Variants in RBM25 observed in about 807,000 individuals in gnomAD.
The protein encoded by RBM25 is RNA binding motif protein 25.
In RBM25, 19 loss-of-function variants were observed where a neutral mutation model predicts 120.7. The ratio of observed to expected loss-of-function variants is 0.16; its 90% confidence interval spans 0.11 to 0.23. The LOEUF (loss-of-function observed/expected upper bound fraction) is 0.23, where lower values mean the gene tolerates loss of function less well. Ranked by LOEUF, RBM25 falls within the 10% of genes least tolerant of loss-of-function variation. RBM25 has a pLI of 1.00. For synonymous variants in RBM25, 390 were observed against 326.7 expected, an observed-to-expected ratio of 1.19 and a Z score of -2.09; for missense variants, 605 against 1,041.5, an observed-to-expected ratio of 0.58 and a Z score of 5.77.
At position 73,117,210 on chromosome 14, in the gene RBM25, C is replaced by CTT. The variant is rs71112704; in HGVS notation, c.2440-2470_2440-2469dup. ...TTTCTTTTAATTTCTTTCTTCTTTT[C>CTT]TTTTTTTTTTTTTTTTTTTTTTTTT... On this transcript the variant is annotated intron_variant, in intron 18 of 18. Transcript: ENST00000261973. Among the ~76,000 whole-genome samples, 207 of 49,398 alleles carry CTT rather than the reference C, an allele frequency of 4.2e-3. 29 individuals are homozygous for CTT. Among genetic ancestry groups the CTT allele is most frequent in the Non-Finnish European group, 5.7e-3 (156 of 27,318 alleles). The allele number at this position is 49,398 out of a possible 152,430, so 32.4% of individuals were successfully genotyped here. A position where few individuals can be genotyped will look rare whatever the true frequency, so the allele number is the denominator to read the frequency against.
rs71112704 is a variant in RBM25 at position 73,117,210 on chromosome 14, C to CTTTTTTTTTTTTTTTT, written c.2440-2484_2440-2469dup. On this transcript the variant is annotated intron_variant, in intron 18 of 18. Transcript: ENST00000261973. The stretch of plus-strand genomic sequence containing the variant: ...TTTCTTTTAATTTCTTTCTTCTTTT[C>CTTTTTTTTTTTTTTTT]TTTTTTTTTTTTTTTTTTTTTTTTT... Among the ~76,000 whole-genome samples the CTTTTTTTTTTTTTTTT allele has an allele frequency of 6.7e-4, 33 of 49,430 alleles. 3 individuals carry two copies. The highest frequency in any genetic ancestry group is 1.1e-3 in the African/African-American group (14 of 13,240). The allele number at this position is 49,430 out of a possible 152,430, so 32.4% of individuals were successfully genotyped here. A position where few individuals can be genotyped will look rare whatever the true frequency, so the allele number is the denominator to read the frequency against.
chr14:73,071,668 C>T lies in RBM25; in HGVS notation c.27C>T (p.Arg9=). The change falls in exon 2 of 19, where the codon CGC becomes CGT. Residue 9 remains arginine (R), a synonymous_variant. Transcript: ENST00000261973. ...TGTCTTTTCCACCTCATTTGAATCG[C>T]CCTCCCATGGGAATCCCAGCACTCC... MSFPPHLN[R]PPMGIPALPP... is the part of the protein sequence containing the mutation. 6.2e-7 allele frequency: 1 copy of T among 1,613,854 alleles called. No homozygotes were observed. Among genetic ancestry groups the T allele is most frequent in the South Asian group, 1.1e-5 (1 of 91,058 alleles).
Position 73,119,773 on chromosome 14 carries a change from A to G in RBM25, c.2500A>G (p.Thr834Ala). ...VKMWRLLIYE[T>A]EAKKIGLVK is the part of the protein sequence containing the mutation. ...AATGTGGAGATTATTGATATATGAA[A>G]CAGAAGCCAAGAAAATTGGTCTTGT... Residue 834 changes from threonine to alanine, a missense_variant, in exon 19 of 19, where the codon ACA becomes GCA. By Grantham distance (58) the Thr-to-Ala change is moderately conservative. This residue lies in a region of RBM25 where 23 missense variants were observed against 83.2 expected (regional missense o/e 0.28). Coordinates refer to ENST00000261973, the MANE Select transcript of RBM25 (RefSeq NM_021239.3). 2 of 1,609,470 alleles carry G rather than the reference A, an allele frequency of 1.2e-6. No individual in the cohort carries two copies. The highest frequency in any genetic ancestry group is 8.5e-7 in the Non-Finnish European group (1 of 1,178,966).
intron 13 of RBM25, 76 bp downstream of exon 13, chr14:73,107,975 G>A: frequency 1.1e-6 from 1 of 941,190 alleles, no homozygotes; most frequent in South Asian, 1.5e-5. Context: ...AGTTGATAAT[G>A]CATGTTCACT....
In RBM25 at chr14:73,080,671, AC is replaced by A. The variant is rs534419509; in HGVS notation, c.325-2822del. Among the ~76,000 whole-genome samples, 4 of 152,150 alleles carry A rather than the reference AC, an allele frequency of 2.6e-5. No homozygotes were observed. In the South Asian group the frequency reaches 6.2e-4, roughly 24 times the overall value. On this transcript the variant is annotated intron_variant, in intron 4 of 18. Coordinates refer to ENST00000261973, the MANE Select transcript of RBM25 (RefSeq NM_021239.3). ...CATGTTATGGTAGCTTGAGGCCTAA[AC>A]TGTTAAAGGCCTCAGTCTCCCTTCC...
intron 18 of RBM25, among the ~76,000 whole-genome samples, chr14:73,117,315 T>TCCA (rs1896456719): frequency 1.4e-5 from 2 of 140,666 alleles, no homozygotes; most frequent in African/African-American, 5.2e-5. Context: ...CACTGTAACC[T>TCCA]CCACTTCTTG....
intron 3 of RBM25, 60 bp downstream of exon 3, chr14:73,076,428 AC>A: frequency 7.1e-7 from 1 of 1,417,220 alleles, no homozygotes; most frequent in East Asian, 2.3e-5. Flanking sequence ...TTTAAGCTGA[AC>A]AGCATGATAA....
At chr14:73,060,257 T>G (rs1035354552) in intron 1 of RBM25, among the ~76,000 whole-genome samples, 6 of 151,554 alleles carry the variant, frequency 4.0e-5, no homozygotes, top group Admixed American at 2.6e-4. Context: ...CAGAATGGTC[T>G]CGATTTCCTG....
intron 13 of RBM25, 40 bp downstream of exon 13, chr14:73,107,939 T>A: frequency 7.1e-7 from 1 of 1,413,998 alleles, no homozygotes; most frequent in Non-Finnish European, 9.8e-7. Context: ...CTTGGTTTTT[T>A]ATTAGCTGTG....
At chr14:73,097,226 A>C (rs1206982059) in intron 7 of RBM25, 126 bp downstream of exon 7, 1 of 289,422 alleles carries the variant, frequency 3.5e-6, no homozygotes, top group African/African-American at 1.8e-4. Flanking sequence ...TTTGAGATGG[A>C]GGCTCACTTT....
chr14:73,092,533 C>T (rs1021006472), intron 6 of RBM25, among the ~76,000 whole-genome samples: 1 of 149,578 alleles, frequency 6.7e-6, no homozygotes, highest in Non-Finnish European at 1.5e-5. Flanking sequence ...TCTAGGGGAG[C>T]AACATATTTT....
At chr14:73,114,373 A>G in intron 18 of RBM25, 40 bp downstream of exon 18, 1 of 1,482,010 alleles carries the variant, frequency 6.7e-7, no homozygotes. Flanking sequence ...TTTTAATTTA[A>G]AAAAAGTTTT....
At chr14:73,117,389 G>A (rs939607197) in intron 18 of RBM25, among the ~76,000 whole-genome samples, 1 of 151,460 alleles carries the variant, frequency 6.6e-6, no homozygotes, top group Non-Finnish European at 1.5e-5. Flanking sequence ...CCACCCGCAC[G>A]CCTGGCTAAT....
At chr14:73,070,522 G>A (rs907324099) in intron 1 of RBM25, among the ~76,000 whole-genome samples, 4 of 152,082 alleles carry the variant, frequency 2.6e-5, no homozygotes, top group African/African-American at 9.7e-5. Flanking sequence ...CTATCTGACT[G>A]GAAGTCAGGA....
rs574665148 is a variant in RBM25 at position 73,111,242 on chromosome 14, T to A, written c.2017+87T>A. ...GTGCTTTAAAGAAAAAAATTTATAT[T>A]TGTGCTTGGTTAGGTAGATAGAAGA... is the stretch of plus-strand genomic sequence containing the variant. On this transcript the variant is annotated intron_variant, in intron 15 of 18. Coordinates refer to ENST00000261973, the MANE Select transcript of RBM25 (RefSeq NM_021239.3). The A allele has an allele frequency of 6.9e-6, 8 of 1,160,956 alleles. No homozygotes were observed. The South Asian group carries it at 1.3e-4, about 19-fold the overall frequency. 71.9% of individuals were successfully genotyped at this position (1,160,956 alleles called of 1,614,324 possible). A position where few individuals can be genotyped will look rare whatever the true frequency, so the allele number is the denominator to read the frequency against.
intron 17 of RBM25, among the ~76,000 whole-genome samples, chr14:73,113,710 A>G (rs1187826992): frequency 6.6e-6 from 1 of 152,112 alleles, no homozygotes; most frequent in Non-Finnish European, 1.5e-5. Flanking sequence ...AAAAAAAGAA[A>G]AAAGAAAAAC....
Position 73,112,257 on chromosome 14 carries a change from C to G in RBM25, c.2391+7C>G, listed in dbSNP as rs1896323927. The G allele has an allele frequency of 3.8e-6, 6 of 1,559,032 alleles. No homozygotes were observed. Among genetic ancestry groups the G allele is most frequent in the South Asian group, 1.2e-5 (1 of 80,120 alleles). The stretch of plus-strand genomic sequence containing the variant: ...TGATTTTGTTTGTTCTAAGGTTAGT[C>G]TTCTATTCTCTTCCATGCCAGCATT... On this transcript the variant is annotated splice_region_variant and intron_variant, in intron 17 of 18. Coordinates refer to ENST00000261973, the MANE Select transcript of RBM25 (RefSeq NM_021239.3).
At chr14:73,102,000 T>G (rs1896065562) in intron 9 of RBM25, 1 of 152,274 alleles carries the variant, frequency 6.6e-6, no homozygotes, top group Non-Finnish European at 1.5e-5. Context: ...CAACTGAATA[T>G]ATTGCTCATA....
In RBM25 at chr14:73,088,114, A is replaced by G. The variant is rs1028234181; in HGVS notation, c.496A>G (p.Lys166Glu). Residue 166 changes from lysine to glutamate, a missense_variant, in exon 6 of 19, where the codon AAG (lysine) becomes GAG (glutamate). Lys to Glu is a moderately conservative substitution (Grantham distance 56, BLOSUM62 1). Transcript: ENST00000261973. ...KLLVKVDAKT[K>E]AQLDEWKAKK... is the part of the protein sequence containing the mutation. ...ACTCGTTAAAGTTGATGCAAAGACA[A>G]AGGCACAGCTGGATGAATGGAAAGC... The G allele has an allele frequency of 1.2e-6, 2 of 1,614,208 alleles. No individual in the cohort carries two copies. The highest frequency in any genetic ancestry group is 1.7e-6 in the Non-Finnish European group (2 of 1,180,042).
Sources: gnomAD v4.1 joint callset for allele counts (sites outside exome capture counted in the v4.1 genomes callset) on GRCh38, gnomAD v4.1.1 for gene constraint, gnomAD v4.1.1 regional missense constraint, MANE v1.5 for transcripts, NCBI Gene and HGNC (gene_info 2026-07-23, HGNC 2026-07-21) for gene names.